Variants in FYB2 observed in about 807,000 individuals in gnomAD.
The protein encoded by FYB2 is FYN binding protein 2.
Under a neutral mutation model 94.1 loss-of-function variants are expected in FYB2, and 103 were observed. The ratio of observed to expected loss-of-function variants is 1.09; its 90% CI spans 0.93 to 1.29. The LOEUF is 1.29. Ranked by LOEUF, FYB2 falls within the 50% of genes most tolerant of loss-of-function variation. The pLI, the probability that FYB2 is intolerant of heterozygous loss-of-function variation, is 0.00. For synonymous variants in FYB2, 293 were observed against 287.9 expected, an observed-to-expected ratio of 1.02 and a Z score of -0.18; for missense variants, 896 against 841.5, an observed-to-expected ratio of 1.06 and a Z score of -0.80.
intron 16 of FYB2, among the ~76,000 whole-genome samples, chr1:56,725,998 T>A (rs1338070298): frequency 6.6e-6 from 1 of 152,076 alleles, no homozygotes; most frequent in Non-Finnish European, 1.5e-5. Flanking sequence ...GAAATTTAAT[T>A]ACATGAATGC....
At chr1:56,807,016 C>T (rs929025371) in intron 1 of FYB2, among the ~76,000 whole-genome samples, 16 of 152,138 alleles carry the variant, frequency 1.1e-4, no homozygotes, top group Non-Finnish European at 1.9e-4. Context: ...TGATTACATG[C>T]CCCACACTCA....
the FYB2 span, among the ~76,000 whole-genome samples, chr1:56,825,640 A>G: frequency 6.6e-6 from 1 of 152,154 alleles, no homozygotes; most frequent in Non-Finnish European, 1.5e-5. Flanking sequence ...GTGCCATGAA[A>G]AAAATAGGGA....
At chr1:56,742,670 C>T (rs1195687726) in intron 11 of FYB2, among the ~76,000 whole-genome samples, 1 of 152,062 alleles carries the variant, frequency 6.6e-6, no homozygotes, top group African/African-American at 2.4e-5. Context: ...GCTTAACATA[C>T]ACAGTTATAC....
rs778323395 is a variant in FYB2 at position 56,789,008 on chromosome 1, C to T, written c.884G>A (p.Arg295Lys). 4 of 1,614,058 alleles carry T rather than the reference C, an allele frequency of 2.5e-6. No individual in the cohort carries two copies. The highest frequency in any genetic ancestry group is 2.2e-5 in the South Asian group (2 of 91,074). The change falls in exon 3 of 20, where the codon AGG becomes AAG. Residue 295 changes from arginine to lysine, a missense_variant. Arg to Lys is a conservative substitution (Grantham distance 26). Transcript: ENST00000343433. ...PPIVNLQAFQ[R>K]QPAAVPKTQG... ...AGTCTTGGGAACAGCAGCTGGCTGCCTCTGAAAGGCCTGGAGGTTCACGAT... is the reference window on the plus strand; with the variant it reads ...AGTCTTGGGAACAGCAGCTGGCTGCTTCTGAAAGGCCTGGAGGTTCACGAT...
At chr1:56,765,975 C>T (rs1314426694) in intron 5 of FYB2, among the ~76,000 whole-genome samples, 1 of 152,172 alleles carries the variant, frequency 6.6e-6, no homozygotes, top group Non-Finnish European at 1.5e-5. Context: ...AGGGGCATCA[C>T]GTGGTCCAGA....
chr1:56,741,714 C>T (rs2100613790), intron 12 of FYB2, among the ~76,000 whole-genome samples: 2 of 152,120 alleles, frequency 1.3e-5, no homozygotes, highest in South Asian at 4.2e-4. Context: ...AATCACACTA[C>T]ATGTTATATT....
At chr1:56,770,277 A>G (rs569940402) in intron 4 of FYB2, among the ~76,000 whole-genome samples, 2 of 152,164 alleles carry the variant, frequency 1.3e-5, no homozygotes, top group African/African-American at 2.4e-5. Context: ...AACTTTTATC[A>G]GTAGTACACA....
chr1:56,806,562 T>C (rs1646652271), intron 1 of FYB2, among the ~76,000 whole-genome samples: 1 of 152,066 alleles, frequency 6.6e-6, no homozygotes, highest in South Asian at 2.1e-4. Context: ...ATATTTATGG[T>C]TCAAAATTCC....
chr1:56,726,262 TCCA>T (rs1224373086), intron 16 of FYB2, among the ~76,000 whole-genome samples: 3 of 152,036 alleles, frequency 2.0e-5, no homozygotes, highest in Non-Finnish European at 4.4e-5. Flanking sequence ...TCACTTCCTA[TCCA>T]CCAAAAGTAG....
At chr1:56,766,418 C>T (rs1161183813) in intron 5 of FYB2, among the ~76,000 whole-genome samples, 2 of 152,046 alleles carry the variant, frequency 1.3e-5, no homozygotes, top group Non-Finnish European at 2.9e-5. Flanking sequence ...AATAGTTCTC[C>T]AACCCCTTAT....
chr1:56,776,773 A>T (rs1645886903), intron 4 of FYB2, among the ~76,000 whole-genome samples: 1 of 152,160 alleles, frequency 6.6e-6, no homozygotes, highest in Non-Finnish European at 1.5e-5. Context: ...ACAGCATTCG[A>T]CCTTGATACA....
chr1:56,789,057 G>T lies in FYB2; in HGVS notation c.835C>A (p.Pro279Thr), dbSNP rs760621966. 6.2e-7 allele frequency: 1 copy of T among 1,614,038 alleles called. No individual in the cohort carries two copies. Among genetic ancestry groups the T allele is most frequent in the Middle Eastern group, 1.7e-4 (1 of 6,058 alleles). Residue 279 changes from proline (P) to threonine (T), a missense_variant, in exon 3 of 20, where the codon CCC (proline) becomes ACC (threonine). Pro to Thr is a conservative substitution (Grantham distance 38). Coordinates refer to ENST00000343433, the MANE Select transcript of FYB2 (RefSeq NM_001004303.5). ...LPSIDSLGPP[P>T]PKPSRPPIVN... The stretch of plus-strand genomic sequence containing the variant: ...ATGGGAGGTCTTGAAGGCTTTGGGG[G>T]AGGAGGACCCAGGGAGTCGATGGAG...
At chr1:56,769,462 T>C (rs1645702667) in intron 4 of FYB2, among the ~76,000 whole-genome samples, 1 of 152,038 alleles carries the variant, frequency 6.6e-6, no homozygotes, top group African/African-American at 2.4e-5. Flanking sequence ...ATACATATAT[T>C]AAGGATTATA....
chr1:56,784,486 G>A (rs1646086005), intron 4 of FYB2, among the ~76,000 whole-genome samples: 1 of 152,112 alleles, frequency 6.6e-6, no homozygotes, highest in African/African-American at 2.4e-5. Context: ...AGTTTCCAGG[G>A]AAGTTATAGT....
chr1:56,792,407 A>G lies in FYB2; in HGVS notation c.406T>C (p.Phe136Leu). 1 of 1,614,138 alleles carries G rather than the reference A, an allele frequency of 6.2e-7. No homozygotes were observed. The highest frequency in any genetic ancestry group is 2.2e-5 in the East Asian group (1 of 44,870). Residue 136 changes from phenylalanine (F) to leucine (L), a missense_variant, in exon 2 of 20, where the codon TTC becomes CTC. Coordinates refer to ENST00000343433, the MANE Select transcript of FYB2 (RefSeq NM_001004303.5). ...TKEKVMVANS[F>L]RNKLWNWEKV... is the part of the protein sequence containing the mutation. ...TCCCAGTTCCAGAGTTTGTTTCTGAAGCTATTGGCCACCATTACTTTTTCC... is the reference window on the plus strand; with the variant it reads ...TCCCAGTTCCAGAGTTTGTTTCTGAGGCTATTGGCCACCATTACTTTTTCC...
intron 4 of FYB2, among the ~76,000 whole-genome samples, chr1:56,779,094 C>T (rs1645950465): frequency 6.6e-6 from 1 of 151,876 alleles, no homozygotes; most frequent in Non-Finnish European, 1.5e-5. Context: ...AGACAGCAAA[C>T]AAGGGTGAGA....
Position 56,742,155 on chromosome 1 carries a change from A to T in FYB2, c.1604+6T>A, listed in dbSNP as rs1370390903. 2 of 1,599,948 alleles carry T rather than the reference A, an allele frequency of 1.3e-6. No individual in the cohort carries two copies. Among genetic ancestry groups the T allele is most frequent in the Non-Finnish European group, 8.6e-7 (1 of 1,169,472 alleles). On this transcript the variant is annotated splice_donor_region_variant and intron_variant, in intron 12 of 19. Transcript: ENST00000343433. ...GCCTACAAAGCCAAGAAAGAGAGAA[A>T]CTCACTCTATCTTTGGGTAGTTGTT...
chr1:56,735,811 G>A lies in FYB2; in HGVS notation c.1793+1276C>T, dbSNP rs142051356. 5.2e-4 allele frequency among the ~76,000 whole-genome samples: 79 copies of A among 152,232 alleles called. 1 individual carries two copies. Among genetic ancestry groups the A allele is most frequent in the Middle Eastern group, 6.8e-3 (2 of 294 alleles). ...GGCCTCACCAGCCACGCGGAACTGC[G>A]AGTCAATTAAGCTTCTTTCCTTTAT... On this transcript the variant is annotated intron_variant, in intron 15 of 19. Coordinates refer to ENST00000343433, the MANE Select transcript of FYB2 (RefSeq NM_001004303.5).
intron 15 of FYB2, chr1:56,732,004 G>A (rs1444457036): frequency 6.6e-6 from 1 of 152,008 alleles, no homozygotes; most frequent in Non-Finnish European, 1.5e-5. Context: ...GCAAGAGAAA[G>A]AAATAAAGGA....
Sources: allele counts gnomAD v4.1 joint callset (sites outside exome capture counted in the v4.1 genomes callset), GRCh38; gene constraint gnomAD v4.1.1; transcripts MANE v1.5; gene names NCBI Gene and HGNC (gene_info 2026-07-23, HGNC 2026-07-21).